The following THSD4 variants were observed in gnomAD, a reference collection of about 807,000 sequenced individuals.
The protein encoded by THSD4 is thrombospondin type 1 domain containing 4.
THSD4 carries 69 observed loss-of-function variants against 119.0 expected under a neutral mutation model. The observed-to-expected ratio is 0.58, with a 90% CI of 0.48 to 0.71. The LOEUF (loss-of-function observed/expected upper bound fraction) is 0.71, where lower values mean the gene tolerates loss of function less well. THSD4 is among the 30% of genes least tolerant of loss of function. THSD4 has a pLI of 0.00. For synonymous variants in THSD4, 524 were observed against 540.4 expected (o/e 0.97, Z 0.42); for missense variants, 1,393 against 1,391.1 (o/e 1.00, Z -0.02).
chr15:71,222,969 T>C (rs1448032471), intron 4 of THSD4, among the ~76,000 whole-genome samples: 1 of 152,134 alleles, frequency 6.6e-6, no homozygotes, highest in Non-Finnish European at 1.5e-5. Context: ...AACTTTTCCC[T>C]GGTGGGAATA....
Position 71,358,674 on chromosome 15 carries a change from G to T in THSD4, c.1016-53013G>T, listed in dbSNP as rs183919667. Among the ~76,000 whole-genome samples, 7 of 152,354 alleles carry T rather than the reference G, an allele frequency of 4.6e-5. No individual in the cohort carries two copies. The East Asian group carries it at 1.4e-3, about 29-fold the overall frequency. On this transcript the variant is annotated intron_variant, in intron 6 of 17. Transcript: ENST00000261862. ...CCTCTGGTTGCTGTGAGAATTAAAT[G>T]AAGTAATACACGTAAAGTGCCTAGA...
chr15:71,169,606 C>T (rs1033425218), intron 3 of THSD4, among the ~76,000 whole-genome samples: 5 of 152,144 alleles, frequency 3.3e-5, no homozygotes, highest in African/African-American at 1.2e-4. Context: ...GAAAAAATAA[C>T]TTGTTTCTAG....
At chr15:71,753,084 T>C (rs1486072381) in intron 14 of THSD4, among the ~76,000 whole-genome samples, 3 of 152,236 alleles carry the variant, frequency 2.0e-5, no homozygotes, top group Non-Finnish European at 4.4e-5. Context: ...GAGTGTGTCT[T>C]ATTGCCCAAT....
At chr15:71,547,253 C>A (rs530674262) in intron 7 of THSD4, 4 of 1,408,400 alleles carry the variant, frequency 2.8e-6, no homozygotes, top group Non-Finnish European at 3.7e-6. Flanking sequence ...AGGCTGAGCT[C>A]GAAGCGCCGG....
intron 7 of THSD4, among the ~76,000 whole-genome samples, chr15:71,550,381 A>G (rs546118971): frequency 1.3e-5 from 2 of 152,332 alleles, no homozygotes; most frequent in South Asian, 4.1e-4. Context: ...AATCTGCTAC[A>G]TTCCATATTT....
chr15:71,358,389 GA>G (rs1283036275), intron 6 of THSD4, among the ~76,000 whole-genome samples: 8 of 152,192 alleles, frequency 5.3e-5, no homozygotes, highest in Non-Finnish European at 1.0e-4. Context: ...AGTGTCATAA[GA>G]TAGGACTTGG....
chr15:71,464,543 A>C (rs2047473758), intron 7 of THSD4, among the ~76,000 whole-genome samples: 1 of 152,180 alleles, frequency 6.6e-6, no homozygotes, highest in Non-Finnish European at 1.5e-5. Flanking sequence ...AGCTCCTTTA[A>C]GCTATATGGA....
chr15:71,454,246 G>T (rs2047306316), intron 7 of THSD4, among the ~76,000 whole-genome samples: 1 of 152,098 alleles, frequency 6.6e-6, no homozygotes, highest in East Asian at 1.9e-4. Flanking sequence ...GATAGAGTGA[G>T]ACTCCATCTC....
At chr15:71,697,342 A>T (rs182590558) in intron 8 of THSD4, among the ~76,000 whole-genome samples, 9 of 152,292 alleles carry the variant, frequency 5.9e-5, no homozygotes, top group African/African-American at 1.9e-4. Flanking sequence ...TTGGGGAGTG[A>T]AGGAGCCGGC....
intron 7 of THSD4, among the ~76,000 whole-genome samples, chr15:71,509,446 T>C (rs181110452): frequency 3.7e-4 from 57 of 152,340 alleles, no homozygotes; most frequent in African/African-American, 1.4e-3. Context: ...CATGAAACCA[T>C]GATAGATTAA....
chr15:71,726,101 GA>G (rs1360185088), intron 8 of THSD4, among the ~76,000 whole-genome samples: 2 of 152,162 alleles, frequency 1.3e-5, no homozygotes, highest in Non-Finnish European at 2.9e-5. Context: ...GAAGAAGTGT[GA>G]TTCTTCATAG....
intron 14 of THSD4, among the ~76,000 whole-genome samples, chr15:71,757,555 C>CGAGTAGTTGGGATT (rs1289972632): frequency 3.1e-4 from 47 of 151,964 alleles, no homozygotes; most frequent in South Asian, 6.2e-4. Flanking sequence ...TTCAGCCTCC[C>CGAGTAGTTGGGATT]AAAGCTCTGG....
At chr15:71,496,786 C>T (rs143155559) in intron 7 of THSD4, among the ~76,000 whole-genome samples, 185 of 152,280 alleles carry the variant, frequency 1.2e-3, no homozygotes, top group African/African-American at 4.1e-3. Flanking sequence ...GACTCAGTCT[C>T]TACCATAAGC....
intron 6 of THSD4, among the ~76,000 whole-genome samples, chr15:71,324,333 G>A (rs1023964542): frequency 9.9e-5 from 15 of 152,044 alleles, no homozygotes; most frequent in Non-Finnish European, 4.4e-5. Context: ...AATAGCTTTT[G>A]GAGTACAAGT....
At position 71,781,337 on chromosome 15, in the gene THSD4, G is replaced by A. The variant is rs2053995332; in HGVS notation, c.*3963G>A. On this transcript the variant is annotated 3_prime_UTR_variant, in exon 18 of 18. Coordinates refer to ENST00000261862, the MANE Select transcript of THSD4 (RefSeq NM_024817.3). Reference sequence around the variant, plus strand: ...TAAATACAAGGTGGGAGAGAGGCAAGAATTTCAGTTGACTAAGCTCAGTGT... The same window carrying A: ...TAAATACAAGGTGGGAGAGAGGCAAAAATTTCAGTTGACTAAGCTCAGTGT... 1 of 153,720 alleles carries A rather than the reference G, an allele frequency of 6.5e-6. No homozygotes were observed. The highest frequency in any genetic ancestry group is 2.4e-5 in the African/African-American group (1 of 41,440). The allele number at this position is 153,720 out of a possible 1,614,324, so 9.5% of individuals were successfully genotyped here.
intron 7 of THSD4, among the ~76,000 whole-genome samples, chr15:71,646,000 A>G (rs1422493674): frequency 6.6e-6 from 1 of 152,030 alleles, no homozygotes; most frequent in Non-Finnish European, 1.5e-5. Context: ...GCTATTCACT[A>G]CCATATTCCC....
rs182169116 is a variant in THSD4, at chr15:71,433,179, A to G, written c.1152+21356A>G. Among the ~76,000 whole-genome samples the G allele has an allele frequency of 1.9e-3, 291 of 151,704 alleles. 2 individuals are homozygous for G. Among genetic ancestry groups the G allele is most frequent in the African/African-American group, 6.8e-3 (282 of 41,512 alleles). On this transcript the variant is annotated intron_variant, in intron 7 of 17. Coordinates refer to ENST00000261862, the MANE Select transcript of THSD4 (RefSeq NM_024817.3). ...TAAGTTTATTCTTTCTTTGTGAAAT[A>G]AAAAGCCAAAAGTATGTAAGCTTAA...
At chr15:71,330,618 C>G (rs1453063685) in intron 6 of THSD4, among the ~76,000 whole-genome samples, 1 of 152,138 alleles carries the variant, frequency 6.6e-6, no homozygotes, top group Non-Finnish European at 1.5e-5. Context: ...GCATGTAAAT[C>G]CATTAGCAGT....
chr15:71,130,992 C>T (rs2040498891), intron 1 of THSD4, among the ~76,000 whole-genome samples: 1 of 152,186 alleles, frequency 6.6e-6, no homozygotes, highest in African/African-American at 2.4e-5. Flanking sequence ...GATCCGCCTG[C>T]CTTGGCCTCC....
Sources: gnomAD v4.1 joint callset for allele counts (sites outside exome capture counted in the v4.1 genomes callset) on GRCh38, gnomAD v4.1.1 for gene constraint, MANE v1.5 for transcripts, NCBI Gene and HGNC (gene_info 2026-07-23, HGNC 2026-07-21) for gene names.